The following TARDBP variants were observed in gnomAD, a reference collection of about 807,000 sequenced individuals.
TARDBP encodes the protein TAR DNA binding protein.
Under a neutral mutation model 38.3 loss-of-function variants are expected in TARDBP, and 4 were observed. That is an observed-to-expected ratio of 0.10 (90% CI 0.05 to 0.24). The LOEUF is 0.24. TARDBP is among the 10% of genes least tolerant of loss of function. The probability of loss-of-function intolerance (pLI) is 1.00; values close to 1 mark genes in which losing one functional copy is unlikely to be tolerated. For missense variants in TARDBP, 202 were observed against 521.9 expected (o/e 0.39, Z 5.97); for synonymous variants, 184 against 183.8 (o/e 1.00, Z -0.01).
chr1:11,013,167 G>T (rs1643445945), intron 1 of TARDBP, among the ~76,000 whole-genome samples: 1 of 152,258 alleles, frequency 6.6e-6, no homozygotes, highest in South Asian at 2.1e-4. Flanking sequence ...GGGCCTTGGG[G>T]CTCGGGCTCG....
downstream of TARDBP, chr1:11,030,157 G>A: frequency 3.2e-6 from 5 of 1,581,970 alleles, no homozygotes; most frequent in Non-Finnish European, 4.3e-6. Context: ...CCAGTCTCTT[G>A]TATAAATGTA....
intron 3 of TARDBP, among the ~76,000 whole-genome samples, chr1:11,018,039 C>T (rs1450196024): frequency 5.4e-5 from 8 of 149,240 alleles, no homozygotes; most frequent in African/African-American, 1.5e-4. Flanking sequence ...CCTGCCACCA[C>T]GCCTGGCTAA....
At position 11,021,370 on chromosome 1, in the gene TARDBP, A is replaced by G. The variant is rs183880610; in HGVS notation, c.715-754A>G. Among the ~76,000 whole-genome samples the G allele has an allele frequency of 3.5e-3, 535 of 151,694 alleles. 5 individuals carry two copies. Among genetic ancestry groups the G allele is most frequent in the African/African-American group, 0.013 (517 of 41,318 alleles). ...TGGCCAGGCTGGTCTCGAACTCCTGACCTCAGGTGATCTGCCCATCTCAGC... is the reference window on the plus strand; with the variant it reads ...TGGCCAGGCTGGTCTCGAACTCCTGGCCTCAGGTGATCTGCCCATCTCAGC... On this transcript the variant is annotated intron_variant, in intron 5 of 5. Transcript: ENST00000240185.
chr1:11,013,508 T>C (rs1030852114), intron 1 of TARDBP, among the ~76,000 whole-genome samples: 3 of 152,238 alleles, frequency 2.0e-5, no homozygotes, highest in African/African-American at 7.2e-5. Context: ...GTTTTTTGAA[T>C]GAATGAACTG....
In TARDBP at chr1:11,018,813, A is replaced by AATCATGAAAGTGAAGTATCAT; in HGVS notation, c.485_486insCATGAAAGTGAAGTATCATAT (p.Val161_Met162insIleMetLysValLysTyrHis). On this transcript the variant is annotated inframe_insertion, in exon 4 of 6. Coordinates refer to ENST00000240185, the MANE Select transcript of TARDBP (RefSeq NM_007375.4). ...CGGAATATGAAACACAAGTGAAAGT[A>AATCATGAAAGTGAAGTATCAT]ATGTCACAGCGACATATGATAGATG... 6.2e-7 allele frequency: 1 copy of AATCATGAAAGTGAAGTATCAT among 1,614,244 alleles called. No homozygotes were observed. Among genetic ancestry groups the AATCATGAAAGTGAAGTATCAT allele is most frequent in the Admixed American group, 1.7e-5 (1 of 60,032 alleles).
At chr1:11,026,389 A>G (rs1643732090), downstream of TARDBP, 3 of 152,484 alleles carry the variant, frequency 2.0e-5, no homozygotes, top group Admixed American at 6.5e-5. Context: ...ATTCTGTAGT[A>G]TTGGTTTTTA....
In TARDBP at chr1:11,023,303, C is replaced by G; in HGVS notation, c.*649C>G. 6.5e-7 allele frequency: 1 copy of G among 1,531,642 alleles called. No individual in the cohort carries two copies. Among genetic ancestry groups the G allele is most frequent in the Admixed American group, 2.0e-5 (1 of 50,674 alleles). The allele number at this position is 1,531,642 out of a possible 1,614,324, so 94.9% of individuals were successfully genotyped here. On this transcript the variant is annotated 3_prime_UTR_variant, in exon 6 of 6. Transcript: ENST00000240185. Reference sequence around the variant, plus strand: ...GCTTTCTCATTCAAGAATTCGTCATCACGCATCACAGGCCGCGTCTTTGAC... The same window carrying G: ...GCTTTCTCATTCAAGAATTCGTCATGACGCATCACAGGCCGCGTCTTTGAC...
chr1:11,025,809 G>A (rs1643722536), downstream of TARDBP: 1 of 154,686 alleles, frequency 6.5e-6, no homozygotes, highest in Admixed American at 6.5e-5. Context: ...GTCCTTAGTA[G>A]GAAAAAGTAG....
chr1:11,026,693 AG>A, downstream of TARDBP: 1 of 427,494 alleles, frequency 2.3e-6, no homozygotes, highest in Non-Finnish European at 4.1e-6. Flanking sequence ...TGTCCCCTTG[AG>A]TCAATGGGTA....
At chr1:11,028,721 T>C (rs199756049), downstream of TARDBP, among the ~76,000 whole-genome samples, 1 of 148,344 alleles carries the variant, frequency 6.7e-6, no homozygotes, top group Non-Finnish European at 1.5e-5. Flanking sequence ...TTTTTTTTTT[T>C]TTTTTTTTTT....
chr1:11,027,604 C>G (rs778598737), downstream of TARDBP: 1 of 1,614,024 alleles, frequency 6.2e-7, no homozygotes, highest in South Asian at 1.1e-5. Context: ...GCCTTTTGCC[C>G]TCCATATATA....
chr1:11,027,593 T>G (rs373165303), downstream of TARDBP: 28 of 1,614,090 alleles, frequency 1.7e-5, no homozygotes, highest in Non-Finnish European at 2.1e-5. Flanking sequence ...CACCAGGTTT[T>G]GCCTTTTGCC....
chr1:11,014,423 C>A (rs946638720), intron 2 of TARDBP, among the ~76,000 whole-genome samples: 2 of 152,184 alleles, frequency 1.3e-5, no homozygotes, highest in Non-Finnish European at 2.9e-5. Flanking sequence ...TTTCGAGGTT[C>A]TGGTCTTATC....
At position 11,024,130 on chromosome 1, in the gene TARDBP, TAA is replaced by T. The variant is rs1449039107; in HGVS notation, c.*1478_*1479del. The T allele has an allele frequency of 2.6e-5, 4 of 152,764 alleles. No individual in the cohort carries two copies. The East Asian group carries it at 7.7e-4, about 29-fold the overall frequency. 9.5% of individuals were successfully genotyped at this position (152,764 alleles called of 1,614,324 possible). The stretch of plus-strand genomic sequence containing the variant: ...TGACCCTTTTGAGATGGAACTTTCA[TAA>T]AGTTTCTTGGCAGTAGTTTATTTTG... On this transcript the variant is annotated 3_prime_UTR_variant, in exon 6 of 6. Coordinates refer to ENST00000240185, the MANE Select transcript of TARDBP (RefSeq NM_007375.4).
At chr1:11,027,561 A>G (rs767238206), downstream of TARDBP, 9 of 1,614,038 alleles carry the variant, frequency 5.6e-6, no homozygotes, top group Admixed American at 1.7e-5. Flanking sequence ...TCCACCTAAT[A>G]TCAGGACTTG....
chr1:11,020,157 G>C (rs1040180927), intron 4 of TARDBP, among the ~76,000 whole-genome samples: 3 of 152,142 alleles, frequency 2.0e-5, no homozygotes, highest in Non-Finnish European at 4.4e-5. Context: ...ACCACACCTG[G>C]CCACGATGAT....
At chr1:11,027,200 A>G, downstream of TARDBP, 1 of 1,614,234 alleles carries the variant, frequency 6.2e-7, no homozygotes, top group Non-Finnish European at 8.5e-7. Flanking sequence ...TTAGATTTCT[A>G]GCAAGAAAAC....
downstream of TARDBP, chr1:11,030,296 A>G: frequency 1.5e-6 from 2 of 1,369,066 alleles, no homozygotes; most frequent in Admixed American, 1.7e-5. Context: ...CATGTATAAG[A>G]TGGTTGTCAT....
At chr1:11,019,446 T>C (rs1337826972) in intron 4 of TARDBP, among the ~76,000 whole-genome samples, 2 of 152,214 alleles carry the variant, frequency 1.3e-5, no homozygotes, top group Admixed American at 6.5e-5. Flanking sequence ...CATCATGTTA[T>C]AGTCGCCTAC....
Sources: allele counts gnomAD v4.1 joint callset (sites outside exome capture counted in the v4.1 genomes callset), GRCh38; gene constraint gnomAD v4.1.1; transcripts MANE v1.5; gene names NCBI Gene and HGNC (gene_info 2026-07-23, HGNC 2026-07-21).